The following OTOG variants were observed in gnomAD, a reference collection of about 807,000 sequenced individuals.
OTOG encodes otogelin.
A neutral mutation model predicts 313.8 loss-of-function variants in OTOG; 296 were observed. The ratio of observed to expected loss-of-function variants is 0.94; its 90% CI spans 0.86 to 1.04. The LOEUF is 1.04. OTOG is among the 50% of genes least tolerant of loss of function. The probability of loss-of-function intolerance (pLI) is 0.00; values close to 1 mark genes in which losing one functional copy is unlikely to be tolerated. For missense variants in OTOG, 3,948 were observed against 3,840.1 expected (o/e 1.03, Z -0.74); for synonymous variants, 1,533 against 1,554.9 (o/e 0.99, Z 0.33).
chr11:17,573,518 G>A (rs527327066), intron 19 of OTOG, among the ~76,000 whole-genome samples: 5 of 152,248 alleles, frequency 3.3e-5, no homozygotes, highest in East Asian at 1.9e-4. Flanking sequence ...CTTCTGTCAC[G>A]CTTACTTCCA....
chr11:17,561,074 T>G lies in OTOG; in HGVS notation c.1452-17T>G. ...CTGGAGGGGTGACCTCTTGCCTCCT[T>G]GGTCTCTGTGTTTTAGCACATGCAC... On this transcript the variant is annotated splice_polypyrimidine_tract_variant and intron_variant, in intron 13 of 55. Coordinates refer to ENST00000399397, the MANE Select transcript of OTOG (RefSeq NM_001292063.2). 6.4e-7 allele frequency: 1 copy of G among 1,550,600 alleles called. No individual in the cohort carries two copies. The highest frequency in any genetic ancestry group is 8.7e-7 in the Non-Finnish European group (1 of 1,146,978).
Position 17,602,056 on chromosome 11 carries a change from T to C in OTOG, c.3710-154T>C, listed in dbSNP as rs562806533. 2.6e-5 allele frequency among the ~76,000 whole-genome samples: 4 copies of C among 152,278 alleles called. No homozygotes were observed. In the South Asian group the frequency reaches 8.3e-4, roughly 32 times the overall value. On this transcript the variant is annotated intron_variant, in intron 31 of 55. Coordinates refer to ENST00000399397, the MANE Select transcript of OTOG (RefSeq NM_001292063.2). ...TCCTGTCCCTTCCTTCTCAGGGTCA[T>C]CAAGGTCCCTGAGATCTGGGATGAA...
intron 22 of OTOG, among the ~76,000 whole-genome samples, chr11:17,577,388 G>C (rs1852556326): frequency 6.6e-6 from 1 of 152,038 alleles, no homozygotes; most frequent in African/African-American, 2.4e-5. Flanking sequence ...GTGGGATGGG[G>C]GTCAACCTTT....
intron 12 of OTOG, 110 bp downstream of exon 12, chr11:17,559,772 G>T (rs1852138934): frequency 1.4e-5 from 4 of 285,632 alleles, no homozygotes; most frequent in Non-Finnish European, 2.6e-5. Flanking sequence ...GGAAGGAAAG[G>T]AGGGAGGGAG....
At chr11:17,600,333 G>T (rs919736766) in intron 31 of OTOG, among the ~76,000 whole-genome samples, 2 of 152,306 alleles carry the variant, frequency 1.3e-5, no homozygotes, top group South Asian at 4.1e-4. Flanking sequence ...TTTTAGCACC[G>T]AACTTCATCC....
chr11:17,612,740 T>C lies in OTOG; in HGVS notation c.6413T>C (p.Val2138Ala). ...QSPDEMLTVH[V>A]LDCKSANLGH... ...CCAGATGAAATGCTCACCGTCCATG[T>C]ACTGGACTGCAAAAGTGCCAACCTG... is the stretch of plus-strand genomic sequence containing the variant. Residue 2138 changes from valine to alanine, a missense_variant, in exon 38 of 56, where the codon GTA (valine) becomes GCA (alanine). Physicochemically the swap from Val to Ala is moderately conservative, Grantham distance 64 (BLOSUM62 0). Coordinates refer to ENST00000399397, the MANE Select transcript of OTOG (RefSeq NM_001292063.2). 1 of 1,550,518 alleles carries C rather than the reference T, an allele frequency of 6.4e-7. No homozygotes were observed. The highest frequency in any genetic ancestry group is 8.7e-7 in the Non-Finnish European group (1 of 1,146,950).
chr11:17,573,760 T>C (rs1231553833), intron 19 of OTOG, among the ~76,000 whole-genome samples: 2 of 152,198 alleles, frequency 1.3e-5, no homozygotes, highest in Non-Finnish European at 2.9e-5. Flanking sequence ...TGTCCCCAGC[T>C]CTGGCACAAG....
At chr11:17,632,355 C>A in intron 42 of OTOG, 129 bp downstream of exon 42, 1 of 778,496 alleles carries the variant, frequency 1.3e-6, no homozygotes. Context: ...GATTTATGTA[C>A]ATTAGTAAAT....
intron 23 of OTOG, among the ~76,000 whole-genome samples, chr11:17,582,042 A>T (rs1305676798): frequency 6.6e-6 from 1 of 152,206 alleles, no homozygotes; most frequent in Non-Finnish European, 1.5e-5. Flanking sequence ...CCATTGTATG[A>T]ATATACAATT....
intron 23 of OTOG, among the ~76,000 whole-genome samples, chr11:17,583,184 G>T (rs959773662): frequency 1.3e-5 from 2 of 152,012 alleles, no homozygotes; most frequent in Admixed American, 6.6e-5. Context: ...GCTCAGGCAG[G>T]AGTGCAGTGG....
Position 17,573,122 on chromosome 11 carries a change from T to A in OTOG, c.2125T>A (p.Phe709Ile). 1.3e-6 allele frequency: 2 copies of A among 1,547,872 alleles called. No homozygotes were observed. Among genetic ancestry groups the A allele is most frequent in the South Asian group, 2.4e-5 (2 of 84,054 alleles). The stretch of plus-strand genomic sequence containing the variant: ...CTGCAGCGTGCTCACGGGGGAGATG[T>A]TTGCGCCCTGCTCTGCGTTCCTGAG... ...QACSVLTGEM[F>I]APCSAFLSPV... Residue 709 changes from phenylalanine to isoleucine, a missense_variant, in exon 19 of 56, where the codon TTT becomes ATT. By Grantham distance (21) the Phe-to-Ile change is conservative. Coordinates refer to ENST00000399397, the MANE Select transcript of OTOG (RefSeq NM_001292063.2).
rs1251161423 is a variant in OTOG, at chr11:17,611,275, C to A, written c.5975C>A (p.Thr1992Asn). 6.2e-5 allele frequency: 96 copies of A among 1,550,430 alleles called. No individual in the cohort carries two copies. Among genetic ancestry groups the A allele is most frequent in the Non-Finnish European group, 7.8e-5 (89 of 1,147,010 alleles). The change falls in exon 36 of 56, where the codon ACC becomes AAC. Residue 1992 changes from threonine (T) to asparagine (N), a missense_variant. By Grantham distance (65) the Thr-to-Asn change is moderately conservative. Transcript: ENST00000399397. ...CCTCAGCTGGCTGAGGCCCATGGAA[C>A]CTCGGCAGGGCCTCACCTGGCAGCA... Reference protein sequence around the residue: ...LLPQLAEAHGTSAGPHLAAEP... With the variant: ...LLPQLAEAHGNSAGPHLAAEP...
intron 6 of OTOG, 41 bp from the exon 7 acceptor site, chr11:17,555,738 T>A: frequency 6.7e-7 from 1 of 1,498,900 alleles, no homozygotes; most frequent in Non-Finnish European, 9.1e-7. Flanking sequence ...GTCAGGCCTG[T>A]GGCAGGAGCC....
rs1197055342 is a variant in OTOG, at chr11:17,547,281, C to T, written c.-92C>T. On this transcript the variant is annotated 5_prime_UTR_variant, in exon 1 of 56. Transcript: ENST00000399397. ...GGCATGAGAACAAGAGGGACCTCGG[C>T]TGCGGAGTGGAGGTGTGACCCTGCC... The T allele has an allele frequency of 1.8e-6, 2 of 1,090,936 alleles. No individual in the cohort carries two copies. Among genetic ancestry groups the T allele is most frequent in the Admixed American group, 3.9e-5 (1 of 25,410 alleles). The allele number at this position is 1,090,936 out of a possible 1,614,324, so 67.6% of individuals were successfully genotyped here.
rs1401378265 is a variant in OTOG, at chr11:17,573,187, C to A, written c.2190C>A (p.Cys730Ter). 1.3e-6 allele frequency: 2 copies of A among 1,540,270 alleles called. No homozygotes were observed. Among genetic ancestry groups the A allele is most frequent in the Non-Finnish European group, 1.7e-6 (2 of 1,146,824 alleles). ...TTGAGCAGTGCCGCAGGGATGCCTG[C>A]CGCTGCGGGCAGCCCTGCCTGTGCG... ...PYFEQCRRDA[C>*]RCGQPCLCAT... The change falls in exon 19 of 56, where the codon TGC becomes TGA. Residue 730 changes from cysteine to a stop codon, truncating the protein, a stop_gained. Coordinates refer to ENST00000399397, the MANE Select transcript of OTOG (RefSeq NM_001292063.2). LOFTEE classifies it high-confidence loss of function.
intron 44 of OTOG, among the ~76,000 whole-genome samples, 166 bp from the exon 45 acceptor site, chr11:17,634,678 C>T (rs1035729180): frequency 8.5e-5 from 13 of 152,066 alleles, no homozygotes; most frequent in African/African-American, 3.1e-4. Context: ...AGCCCTGAAC[C>T]CTCGTGTGAC....
rs1238051660 is a variant in OTOG, at chr11:17,631,900, C to A, written c.6911C>A (p.Thr2304Asn). ...TGCCTTCGCATGGTGTCCAACCGCACCTTCAGTGCCTGCCACCGCTTTGTA... is the reference window on the plus strand; with the variant it reads ...TGCCTTCGCATGGTGTCCAACCGCAACTTCAGTGCCTGCCACCGCTTTGTA... ...SPCLRMVSNR[T>N]FSACHRFVPP... is the part of the protein sequence containing the mutation. The change falls in exon 41 of 56, where the codon ACC (threonine) becomes AAC (asparagine). Residue 2304 changes from threonine to asparagine, a missense_variant. Transcript: ENST00000399397. 1 of 1,550,130 alleles carries A rather than the reference C, an allele frequency of 6.5e-7. No individual in the cohort carries two copies. Among genetic ancestry groups the A allele is most frequent in the Middle Eastern group, 1.7e-4 (1 of 5,916 alleles).
chr11:17,566,584 C>G (rs994950785), intron 15 of OTOG, among the ~76,000 whole-genome samples: 1 of 152,202 alleles, frequency 6.6e-6, no homozygotes, highest in African/African-American at 2.4e-5. Context: ...ATCATTCTAG[C>G]TTCCTCCTCT....
chr11:17,559,655 C>T lies in OTOG; in HGVS notation c.1335C>T (p.Cys445=). The change falls in exon 12 of 56, where the codon TGC becomes TGT. Residue 445 remains cysteine (C), a synonymous_variant. Coordinates refer to ENST00000399397, the MANE Select transcript of OTOG (RefSeq NM_001292063.2). ...SEIACVDGCY[C]PNGLIFEDGG... is the part of the protein sequence containing the mutation. Reference sequence around the variant, plus strand: ...TCGCCTGTGTGGACGGCTGCTATTGCCCCAATGGTATGCTAGGGGCAGACG... The same window carrying T: ...TCGCCTGTGTGGACGGCTGCTATTGTCCCAATGGTATGCTAGGGGCAGACG... 1 of 1,550,730 alleles carries T rather than the reference C, an allele frequency of 6.4e-7. No homozygotes were observed. Among genetic ancestry groups the T allele is most frequent in the Non-Finnish European group, 8.7e-7 (1 of 1,147,044 alleles).
Sources: gnomAD v4.1 joint callset for allele counts (sites outside exome capture counted in the v4.1 genomes callset) on GRCh38, gnomAD v4.1.1 for gene constraint, MANE v1.5 for transcripts, NCBI Gene and HGNC (gene_info 2026-07-23, HGNC 2026-07-21) for gene names.